CDIN1: variants seen among roughly 807,000 people sequenced by gnomAD.
CDIN1 encodes the protein CDAN1 interacting nuclease 1, also known as CDAN1-interacting nuclease 1.
A neutral mutation model predicts 45.3 loss-of-function variants in CDIN1; 33 were observed. The observed-to-expected ratio is 0.73, with a 90% CI of 0.55 to 0.97. The LOEUF (loss-of-function observed/expected upper bound fraction) is 0.97. Ranked by LOEUF, CDIN1 falls within the 50% of genes least tolerant of loss-of-function variation. The pLI, the probability that CDIN1 is intolerant of heterozygous loss-of-function variation, is 0.00. For synonymous variants in CDIN1, 118 were observed against 124.4 expected (o/e 0.95, Z 0.34); for missense variants, 303 against 339.4 (o/e 0.89, Z 0.84).
chr15:36,782,537 A>G (rs1481819929), intron 10 of CDIN1, among the ~76,000 whole-genome samples: 1 of 152,190 alleles, frequency 6.6e-6, no homozygotes, highest in African/African-American at 2.4e-5. Context: ...TCAAGTTGCA[A>G]GCAACTCTTT....
chr15:36,635,528 G>C (rs1412266298), intron 1 of CDIN1, among the ~76,000 whole-genome samples: 1 of 151,984 alleles, frequency 6.6e-6, no homozygotes, highest in Non-Finnish European at 1.5e-5. Context: ...TATCCTTGGG[G>C]GTCCTAGAAT....
intron 1 of CDIN1, among the ~76,000 whole-genome samples, chr15:36,605,894 G>C (rs767640845): frequency 6.6e-6 from 1 of 152,132 alleles, no homozygotes; most frequent in Non-Finnish European, 1.5e-5. Context: ...TTCAGTGAAC[G>C]GCTTGAAGTC....
At chr15:36,593,084 A>G (rs1023586626) in intron 1 of CDIN1, among the ~76,000 whole-genome samples, 1 of 152,188 alleles carries the variant, frequency 6.6e-6, no homozygotes, top group Non-Finnish European at 1.5e-5. Context: ...AAGATAATAC[A>G]TATAAAATGA....
intron 5 of CDIN1, among the ~76,000 whole-genome samples, chr15:36,686,341 A>G (rs1466769325): frequency 3.4e-5 from 5 of 145,156 alleles, no homozygotes; most frequent in African/African-American, 1.3e-4. Context: ...ATTCTCACTC[A>G]TAGGTGGGAA....
chr15:36,789,726 G>A (rs12594466), intron 10 of CDIN1, among the ~76,000 whole-genome samples: 121,699 of 152,132 alleles, frequency 0.8, 51,656 homozygotes, highest in East Asian at 0.95. Flanking sequence ...CTTCCTCCTC[G>A]TGAAAGTTAT....
intron 3 of CDIN1, among the ~76,000 whole-genome samples, chr15:36,648,255 T>C (rs951245308): frequency 3.3e-5 from 5 of 152,136 alleles, no homozygotes; most frequent in Non-Finnish European, 7.4e-5. Context: ...GAGGTCATAT[T>C]ATATAAGCAA....
At chr15:36,605,715 C>T (rs1375353276) in intron 1 of CDIN1, among the ~76,000 whole-genome samples, 3 of 152,172 alleles carry the variant, frequency 2.0e-5, no homozygotes, top group African/African-American at 7.2e-5. Context: ...ATACTAATTG[C>T]AGGGTGTGCC....
chr15:36,644,234 G>T (rs150706496), intron 1 of CDIN1, 44 bp from the exon 2 acceptor site: 1 of 1,585,492 alleles, frequency 6.3e-7, no homozygotes, highest in East Asian at 2.2e-5. Context: ...TTTCTTTGCC[G>T]TGCACTCCAG....
chr15:36,657,692 C>T (rs1309302788), intron 4 of CDIN1, 141 bp from the exon 5 acceptor site: 1 of 625,728 alleles, frequency 1.6e-6, no homozygotes, highest in Non-Finnish European at 2.7e-6. Flanking sequence ...ATGGAAGCCA[C>T]CAAGGGTGGG....
At chr15:36,733,476 T>C (rs1246559956) in intron 10 of CDIN1, among the ~76,000 whole-genome samples, 3 of 152,262 alleles carry the variant, frequency 2.0e-5, no homozygotes, top group East Asian at 1.9e-4. Context: ...ACTCAACTTA[T>C]ATTAAAGGTT....
chr15:36,614,139 AGAG>A, intron 1 of CDIN1: 1 of 734,176 alleles, frequency 1.4e-6, no homozygotes, highest in South Asian at 1.4e-5. Context: ...AATGCACCAA[AGAG>A]GAGTATTCTG....
intron 1 of CDIN1, among the ~76,000 whole-genome samples, chr15:36,583,256 T>C (rs1046409683): frequency 5.9e-5 from 9 of 152,206 alleles, no homozygotes; most frequent in Non-Finnish European, 1.2e-4. Context: ...TATGGCTTTG[T>C]TTTTTATTCT....
intron 1 of CDIN1, among the ~76,000 whole-genome samples, chr15:36,642,490 A>G (rs1160367587): frequency 1.3e-5 from 2 of 152,224 alleles, no homozygotes; most frequent in South Asian, 2.1e-4. Context: ...TCTCGGCCAT[A>G]GAAAACTGAG....
intron 5 of CDIN1, among the ~76,000 whole-genome samples, chr15:36,659,961 C>CT (rs372042728): frequency 2.8e-5 from 1 of 35,936 alleles, no homozygotes; most frequent in Non-Finnish European, 5.2e-5. Context: ...TTTTTCCTTC[C>CT]TTTTCTTTTT....
intron 1 of CDIN1, among the ~76,000 whole-genome samples, chr15:36,633,342 C>T (rs1021586399): frequency 6.6e-6 from 1 of 152,112 alleles, no homozygotes; most frequent in Non-Finnish European, 1.5e-5. Context: ...CTTTCCTCTT[C>T]TCTGTCACCT....
intron 1 of CDIN1, among the ~76,000 whole-genome samples, chr15:36,601,721 G>T (rs1595727717): frequency 6.6e-6 from 1 of 152,064 alleles, no homozygotes; most frequent in Non-Finnish European, 1.5e-5. Flanking sequence ...TTTGCTTTTG[G>T]CCTTCTCTGG....
chr15:36,701,122 GTAGA>G (rs200063950), intron 8 of CDIN1, among the ~76,000 whole-genome samples: 20,855 of 103,378 alleles, frequency 0.2, 1,797 homozygotes, highest in Middle Eastern at 0.26. Flanking sequence ...AGATAGGTAG[GTAGA>G]TAGATAGATA....
At chr15:36,677,121 G>A (rs189483220) in intron 5 of CDIN1, among the ~76,000 whole-genome samples, 15 of 152,240 alleles carry the variant, frequency 9.9e-5, no homozygotes, top group Non-Finnish European at 5.9e-5. Context: ...GCAGTTTGTT[G>A]AGTAGCTATT....
At chr15:36,654,213 C>G in intron 4 of CDIN1, 55 bp downstream of exon 4, 2 of 1,379,074 alleles carry the variant, frequency 1.5e-6, no homozygotes, top group Non-Finnish European at 2.0e-6. Context: ...AGGGGCCTAT[C>G]TAGAGTAACT....
Sources: allele counts gnomAD v4.1 joint callset (sites outside exome capture counted in the v4.1 genomes callset), GRCh38; gene constraint gnomAD v4.1.1; transcripts MANE v1.5; gene names NCBI Gene and HGNC (gene_info 2026-07-23, HGNC 2026-07-21).